Variants in AFF3 observed in about 807,000 individuals in gnomAD.
AFF3 encodes the protein AF4/FMR2 family member 3.
Under a neutral mutation model 129.7 loss-of-function variants are expected in AFF3, and 32 were observed. That is an observed-to-expected ratio of 0.25 (90% CI 0.19 to 0.33). AFF3 has a LOEUF of 0.33. Ranked by LOEUF, AFF3 falls within the 10% of genes least tolerant of loss-of-function variation. AFF3 has a pLI of 1.00. For synonymous variants in AFF3, 644 were observed against 635.4 expected (o/e 1.01, Z -0.20); for missense variants, 1,373 against 1,592.0 (o/e 0.86, Z 2.34).
At position 99,866,871 on chromosome 2, in the gene AFF3, G is replaced by C. The variant is rs547407842; in HGVS notation, c.874-29347C>G. Among the ~76,000 whole-genome samples, 3 of 151,350 alleles carry C rather than the reference G, an allele frequency of 2.0e-5. No homozygotes were observed. In the East Asian group the frequency reaches 5.8e-4, roughly 29 times the overall value. On this transcript the variant is annotated intron_variant, in intron 7 of 24. Transcript: ENST00000672756. ...CGCACCTCTAATCCCAGCTACTTGGGAGGCTGAGGCAGGAGAATCACTTGA... is the reference window on the plus strand; with the variant it reads ...CGCACCTCTAATCCCAGCTACTTGGCAGGCTGAGGCAGGAGAATCACTTGA...
At chr2:99,569,041 G>C in intron 18 of AFF3, 126 bp from the exon 19 acceptor site, 2 of 893,762 alleles carry the variant, frequency 2.2e-6, no homozygotes, top group Non-Finnish European at 3.5e-6. Flanking sequence ...AATTAAGTGT[G>C]TTTTTTGCCT....
At chr2:99,631,070 C>T (rs542674762) in intron 13 of AFF3, 13 of 406,016 alleles carry the variant, frequency 3.2e-5, no homozygotes, top group East Asian at 2.6e-4. Context: ...GAGCAGAACA[C>T]GGAGTGGGGC....
chr2:99,687,592 G>A (rs1457117239), intron 11 of AFF3, among the ~76,000 whole-genome samples: 1 of 152,204 alleles, frequency 6.6e-6, no homozygotes, highest in African/African-American at 2.4e-5. Context: ...GTGGAATAAA[G>A]AGGCTGATGA....
At chr2:99,592,885 G>A (rs140308887) in intron 15 of AFF3, among the ~76,000 whole-genome samples, 275 of 151,502 alleles carry the variant, frequency 1.8e-3, no homozygotes, top group Non-Finnish European at 3.1e-3. Context: ...GCAGTGAACC[G>A]AGATTGTGCC....
chr2:99,581,922 T>G (rs754104251), intron 17 of AFF3, among the ~76,000 whole-genome samples: 3 of 147,324 alleles, frequency 2.0e-5, no homozygotes, highest in Non-Finnish European at 4.5e-5. Flanking sequence ...TGCCGAGATC[T>G]CAGCTCACTG....
intron 7 of AFF3, among the ~76,000 whole-genome samples, chr2:99,963,019 C>T (rs547288470): frequency 1.6e-4 from 24 of 151,650 alleles, no homozygotes; most frequent in Admixed American, 7.9e-4. Flanking sequence ...GACCTCAAGA[C>T]GAAGAAAAAA....
At chr2:99,707,976 A>G (rs967985997) in intron 11 of AFF3, among the ~76,000 whole-genome samples, 1 of 152,128 alleles carries the variant, frequency 6.6e-6, no homozygotes. Flanking sequence ...TACAGTCTCT[A>G]TGATGTTTGG....
At chr2:99,621,649 A>C (rs1682025947) in intron 13 of AFF3, among the ~76,000 whole-genome samples, 1 of 152,206 alleles carries the variant, frequency 6.6e-6, no homozygotes, top group African/African-American at 2.4e-5. Flanking sequence ...AATAATGTTT[A>C]AGAGAAAACA....
At chr2:99,798,049 A>C (rs946357263) in intron 8 of AFF3, among the ~76,000 whole-genome samples, 5 of 152,154 alleles carry the variant, frequency 3.3e-5, no homozygotes, top group Admixed American at 1.3e-4. Flanking sequence ...TGATTAGTTA[A>C]GAAAAAAATT....
intron 7 of AFF3, among the ~76,000 whole-genome samples, chr2:99,948,733 C>T (rs1457459237): frequency 6.6e-6 from 1 of 152,218 alleles, no homozygotes; most frequent in Non-Finnish European, 1.5e-5. Flanking sequence ...CCCAAATCAG[C>T]AGTCCATGTA....
intron 7 of AFF3, among the ~76,000 whole-genome samples, chr2:99,950,007 T>C (rs908962052): frequency 4.6e-5 from 7 of 152,186 alleles, no homozygotes; most frequent in Non-Finnish European, 8.8e-5. Context: ...TGAAATGATA[T>C]CCAGGTACTG....
intron 17 of AFF3, among the ~76,000 whole-genome samples, chr2:99,581,728 T>TAAA (rs1677574211): frequency 6.7e-6 from 1 of 149,734 alleles, no homozygotes; most frequent in African/African-American, 2.5e-5. Context: ...CAGGGGAGGG[T>TAAA]TTGGAAGTAA....
At chr2:100,131,756 A>G (rs1692437552) in intron 1 of AFF3, among the ~76,000 whole-genome samples, 2 of 152,184 alleles carry the variant, frequency 1.3e-5, no homozygotes, top group South Asian at 4.1e-4. Flanking sequence ...AAACATTTTT[A>G]AAGTTCCATC....
At chr2:99,911,146 T>C (rs903189580) in intron 7 of AFF3, among the ~76,000 whole-genome samples, 6 of 152,246 alleles carry the variant, frequency 3.9e-5, no homozygotes, top group South Asian at 2.1e-4. Context: ...TTAGTCCATC[T>C]ATTCTGTTAG....
At chr2:99,839,848 G>C (rs1263280535) in intron 7 of AFF3, among the ~76,000 whole-genome samples, 1 of 152,034 alleles carries the variant, frequency 6.6e-6, no homozygotes, top group East Asian at 1.9e-4. Flanking sequence ...CTGACCTTGT[G>C]ATCTGTCCGC....
chr2:99,787,325 T>C (rs927692535), intron 8 of AFF3, among the ~76,000 whole-genome samples: 1 of 151,898 alleles, frequency 6.6e-6, no homozygotes, highest in East Asian at 1.9e-4. Context: ...CAAGCAGAAA[T>C]GGTCAAGGTG....
chr2:99,795,010 C>A (rs1435058381), intron 8 of AFF3, among the ~76,000 whole-genome samples: 5 of 152,188 alleles, frequency 3.3e-5, no homozygotes, highest in African/African-American at 4.8e-5. Context: ...CAGCTTAAAA[C>A]CCTTCCATGC....
At chr2:99,869,561 G>A (rs1222626691) in intron 7 of AFF3, among the ~76,000 whole-genome samples, 1 of 152,158 alleles carries the variant, frequency 6.6e-6, no homozygotes, top group Non-Finnish European at 1.5e-5. Flanking sequence ...GACTTTGACT[G>A]ATAAGTAATA....
chr2:99,632,075 GCGTGATCTCAGCT>G (rs2105399056), intron 13 of AFF3, among the ~76,000 whole-genome samples: 1 of 142,140 alleles, frequency 7.0e-6, no homozygotes, highest in East Asian at 2.1e-4. Flanking sequence ...GAGTGCAATG[GCGTGATCTCAGCT>G]CACTGCAGCC....
Sources: allele counts gnomAD v4.1 joint callset (sites outside exome capture counted in the v4.1 genomes callset), GRCh38; gene constraint gnomAD v4.1.1; transcripts MANE v1.5; gene names NCBI Gene and HGNC (gene_info 2026-07-23, HGNC 2026-07-21).